RASAL2: variants seen among roughly 807,000 people sequenced by gnomAD.
The protein encoded by RASAL2 is ras GTPase-activating protein nGAP.
Under a neutral mutation model 128.9 loss-of-function variants are expected in RASAL2, and 58 were observed. The ratio of observed to expected loss-of-function variants is 0.45; its 90% CI spans 0.36 to 0.56. The LOEUF is 0.56. Ranked by LOEUF, RASAL2 falls within the 20% of genes least tolerant of loss-of-function variation. The pLI is 0.00. For synonymous variants in RASAL2, 561 were observed against 580.8 expected (o/e 0.97, Z 0.49); for missense variants, 1,360 against 1,601.6 (o/e 0.85, Z 2.57).
chr1:178,103,585 A>G (rs1658983852), intron 1 of RASAL2, among the ~76,000 whole-genome samples: 1 of 152,054 alleles, frequency 6.6e-6, no homozygotes. Context: ...ATTTTTTTTA[A>G]TATCTTTTAC....
intron 1 of RASAL2, among the ~76,000 whole-genome samples, chr1:178,271,048 C>T (rs773044584): frequency 1.3e-5 from 2 of 152,130 alleles, no homozygotes; most frequent in Non-Finnish European, 2.9e-5. Context: ...GAGCAAACCT[C>T]CATTCTTTTA....
At chr1:178,241,174 A>G (rs1393219805) in intron 1 of RASAL2, among the ~76,000 whole-genome samples, 1 of 152,072 alleles carries the variant, frequency 6.6e-6, no homozygotes, top group Non-Finnish European at 1.5e-5. Flanking sequence ...TATAATTACA[A>G]CTTAAATACC....
At chr1:178,402,771 G>GC (rs1393401043) in intron 4 of RASAL2, among the ~76,000 whole-genome samples, 26 of 151,916 alleles carry the variant, frequency 1.7e-4, no homozygotes, top group African/African-American at 2.7e-4. Flanking sequence ...AGGCTCAAAA[G>GC]CCCCCCTCCA....
chr1:178,147,219 T>C (rs1235712145), intron 1 of RASAL2, among the ~76,000 whole-genome samples: 1 of 152,166 alleles, frequency 6.6e-6, no homozygotes, highest in Non-Finnish European at 1.5e-5. Flanking sequence ...CTGGGCGCGG[T>C]AGGTCATGCC....
chr1:178,281,485 TG>T (rs770129033), intron 1 of RASAL2, among the ~76,000 whole-genome samples: 39 of 152,250 alleles, frequency 2.6e-4, no homozygotes, highest in Non-Finnish European at 4.7e-4. Context: ...TTAAATTCAG[TG>T]TTGATACAGA....
chr1:178,361,966 A>G (rs1160476048), intron 3 of RASAL2, among the ~76,000 whole-genome samples: 1 of 152,016 alleles, frequency 6.6e-6, no homozygotes, highest in Non-Finnish European at 1.5e-5. Flanking sequence ...ACAATAGGGT[A>G]TGTGCTTCTG....
intron 4 of RASAL2, among the ~76,000 whole-genome samples, chr1:178,392,136 C>G (rs926668049): frequency 6.6e-6 from 1 of 152,176 alleles, no homozygotes; most frequent in Non-Finnish European, 1.5e-5. Flanking sequence ...GTTTTCCATT[C>G]TGAGACCCTA....
chr1:178,295,741 C>T (rs1193124431), intron 2 of RASAL2, among the ~76,000 whole-genome samples: 1 of 152,120 alleles, frequency 6.6e-6, no homozygotes, highest in African/African-American at 2.4e-5. Context: ...TATGCTGTTG[C>T]TGCTGGTACC....
chr1:178,326,907 C>T (rs1171370430), intron 3 of RASAL2, among the ~76,000 whole-genome samples: 3 of 152,032 alleles, frequency 2.0e-5, no homozygotes, highest in Admixed American at 6.6e-5. Context: ...CTTCTCTTAC[C>T]GACTTTTTAT....
At chr1:178,212,612 C>T (rs530043984) in intron 1 of RASAL2, among the ~76,000 whole-genome samples, 2 of 152,242 alleles carry the variant, frequency 1.3e-5, no homozygotes, top group Admixed American at 6.5e-5. Context: ...CTGCCTCAGC[C>T]TCCCGAGTAG....
At position 178,438,102 on chromosome 1, in the gene RASAL2, TTGTGTGTGTG is replaced by T. The variant is rs58641965; in HGVS notation, c.675-1287_675-1278del. Among the ~76,000 whole-genome samples, 1,160 of 142,140 alleles carry T rather than the reference TTGTGTGTGTG, an allele frequency of 8.2e-3. 17 individuals carry two copies. Among genetic ancestry groups the T allele is most frequent in the African/African-American group, 0.028 (1,088 of 38,544 alleles). 93.2% of individuals were successfully genotyped at this position (142,140 alleles called of 152,430 possible). On this transcript the variant is annotated intron_variant, in intron 5 of 17. Transcript: ENST00000367649. ...TGCAGCCTAAACTTTAAATGGTGGC[TTGTGTGTGTG>T]TGTGTGTGTGTGTGTGTGTGTGTGT...
At chr1:178,107,619 CT>C (rs1659144100) in intron 1 of RASAL2, among the ~76,000 whole-genome samples, 1 of 152,096 alleles carries the variant, frequency 6.6e-6, no homozygotes, top group South Asian at 2.1e-4. Context: ...TAAACAATGA[CT>C]CTCCCTTTCC....
chr1:178,450,643 C>CT (rs1196943402), intron 9 of RASAL2, among the ~76,000 whole-genome samples: 1 of 152,114 alleles, frequency 6.6e-6, no homozygotes, highest in Non-Finnish European at 1.5e-5. Flanking sequence ...TAGCCTGAAC[C>CT]TCAAGTAATA....
chr1:178,350,863 T>A (rs1670434960), intron 3 of RASAL2, among the ~76,000 whole-genome samples: 1 of 152,170 alleles, frequency 6.6e-6, no homozygotes, highest in African/African-American at 2.4e-5. Context: ...ATTCTTGCAT[T>A]GCTACAAAGA....
chr1:178,094,438 G>A lies in RASAL2; in HGVS notation c.-55G>A. ...CTTACCGCAGGCAGGGCGCGGAGCC[G>A]CGCGCCAGCCCGCCCCGAAGCCGCC... is the stretch of plus-strand genomic sequence containing the variant. On this transcript the variant is annotated 5_prime_UTR_variant, in exon 1 of 18. Coordinates refer to ENST00000367649, the MANE Select transcript of RASAL2 (RefSeq NM_170692.4). 14 of 1,453,862 alleles carry A rather than the reference G, an allele frequency of 9.6e-6. No homozygotes were observed. Among genetic ancestry groups the A allele is most frequent in the Non-Finnish European group, 1.3e-5 (14 of 1,096,428 alleles). The allele number at this position is 1,453,862 out of a possible 1,614,324, so 90.1% of individuals were successfully genotyped here.
Position 178,439,504 on chromosome 1 carries a change from C to G in RASAL2, c.757C>G (p.Leu253Val), listed in dbSNP as rs764445026. 3.1e-6 allele frequency: 5 copies of G among 1,612,892 alleles called. No individual in the cohort carries two copies. Among genetic ancestry groups the G allele is most frequent in the Admixed American group, 3.3e-5 (2 of 59,862 alleles). ...SPCSTVECLD[L>V]GRGEPVSVKP... Reference sequence around the variant, plus strand: ...ATGCAGCACAGTGGAATGTCTGGATCTTGGTAGAGGGGAACCTGTATCAGT... The same window carrying G: ...ATGCAGCACAGTGGAATGTCTGGATGTTGGTAGAGGGGAACCTGTATCAGT... The change falls in exon 6 of 18, where the codon CTT becomes GTT. Residue 253 changes from leucine (L) to valine (V), a missense_variant. Leu to Val is a conservative substitution (Grantham distance 32). Around this residue, in one of 3 missense-constraint regions of RASAL2, gnomAD observed 617 missense variants for 714.2 expected, o/e 0.86. Transcript: ENST00000367649.
Position 178,347,097 on chromosome 1 carries a change from T to G in RASAL2, c.458-43003T>G, listed in dbSNP as rs896479161. Reference sequence around the variant, plus strand: ...GAATATCCAAACAATGATTTACCTGTTTTTCTCAGAAGCTATCTTACTGTG... The same window carrying G: ...GAATATCCAAACAATGATTTACCTGGTTTTCTCAGAAGCTATCTTACTGTG... On this transcript the variant is annotated intron_variant, in intron 3 of 17. Transcript: ENST00000367649. Among the ~76,000 whole-genome samples, 131 of 152,168 alleles carry G rather than the reference T, an allele frequency of 8.6e-4. 1 individual carries two copies. Among genetic ancestry groups the G allele is most frequent in the Non-Finnish European group, 5.3e-4 (36 of 68,028 alleles).
chr1:178,126,471 C>T (rs1283714235), intron 1 of RASAL2, among the ~76,000 whole-genome samples: 1 of 152,194 alleles, frequency 6.6e-6, no homozygotes, highest in Non-Finnish European at 1.5e-5. Context: ...CTGGGATGGG[C>T]TGTGCACTGT....
At chr1:178,164,481 T>TTG (rs35942778) in intron 1 of RASAL2, among the ~76,000 whole-genome samples, 105,480 of 144,868 alleles carry the variant, frequency 0.73, 38,574 homozygotes, top group South Asian at 0.83. Flanking sequence ...TAATTAGCAT[T>TTG]TGTGTGTGTG....
Sources: gnomAD v4.1 joint callset for allele counts (sites outside exome capture counted in the v4.1 genomes callset) on GRCh38, gnomAD v4.1.1 for gene constraint, gnomAD v4.1.1 regional missense constraint, MANE v1.5 for transcripts, NCBI Gene and HGNC (gene_info 2026-07-23, HGNC 2026-07-21) for gene names.